The following ADAMTS20 variants were observed in gnomAD, a reference collection of about 807,000 sequenced individuals.
ADAMTS20 encodes the protein A disintegrin and metalloproteinase with thrombospondin motifs 20.
A neutral mutation model predicts 260.1 loss-of-function variants in ADAMTS20; 225 were observed. The ratio of observed to expected loss-of-function variants is 0.87; its 90% CI spans 0.78 to 0.97. The LOEUF is 0.97. ADAMTS20 is among the 50% of genes least tolerant of loss of function. The pLI is 0.00. For synonymous variants in ADAMTS20, 802 were observed against 769.5 expected (o/e 1.04, Z -0.70); for missense variants, 2,400 against 2,337.7 (o/e 1.03, Z -0.55).
intron 29 of ADAMTS20, among the ~76,000 whole-genome samples, chr12:43,390,990 T>C (rs1490724215): frequency 6.6e-6 from 1 of 152,178 alleles, no homozygotes. Context: ...TCTTAGTCTA[T>C]TAGGGCTGCT....
At chr12:43,532,608 G>A (rs1943240771) in intron 2 of ADAMTS20, among the ~76,000 whole-genome samples, 1 of 127,032 alleles carries the variant, frequency 7.9e-6, no homozygotes, top group Non-Finnish European at 1.6e-5. Context: ...CATTGTGCAG[G>A]TTAGTTACAT....
chr12:43,358,825 A>G (rs1939804787), intron 37 of ADAMTS20, among the ~76,000 whole-genome samples: 1 of 144,272 alleles, frequency 6.9e-6, no homozygotes, highest in South Asian at 2.3e-4. Flanking sequence ...CGACAGAGCG[A>G]AACTCCGTCT....
chr12:43,421,297 A>AAAAAAAAC (rs1941232771), intron 28 of ADAMTS20, among the ~76,000 whole-genome samples: 1 of 151,596 alleles, frequency 6.6e-6, no homozygotes, highest in African/African-American at 2.4e-5. Flanking sequence ...AAAAAAAAAA[A>AAAAAAAAC]ACTTTCTCTT....
At chr12:43,513,990 A>G (rs1389370003) in intron 3 of ADAMTS20, among the ~76,000 whole-genome samples, 7 of 151,070 alleles carry the variant, frequency 4.6e-5, no homozygotes, top group Non-Finnish European at 1.0e-4. Context: ...CAGCACACCA[A>G]CATGGCACAT....
At chr12:43,510,447 A>G (rs1196895272) in intron 3 of ADAMTS20, among the ~76,000 whole-genome samples, 1 of 151,612 alleles carries the variant, frequency 6.6e-6, no homozygotes, top group Non-Finnish European at 1.5e-5. Flanking sequence ...TAATCTCATT[A>G]CTTTTTTTTT....
At chr12:43,431,260 T>C in intron 22 of ADAMTS20, 72 bp downstream of exon 22, 1 of 1,486,812 alleles carries the variant, frequency 6.7e-7, no homozygotes, top group Non-Finnish European at 9.1e-7. Flanking sequence ...AAGGGAGGAG[T>C]AAATATAACA....
At chr12:43,415,942 T>C (rs1296615964) in intron 28 of ADAMTS20, among the ~76,000 whole-genome samples, 2 of 152,208 alleles carry the variant, frequency 1.3e-5, no homozygotes, top group Non-Finnish European at 2.9e-5. Context: ...TGCTCTCAGA[T>C]TGACTTTTTC....
chr12:43,382,870 A>C (rs1940384160), intron 31 of ADAMTS20, among the ~76,000 whole-genome samples: 1 of 152,074 alleles, frequency 6.6e-6, no homozygotes, highest in Non-Finnish European at 1.5e-5. Context: ...GAAAGAAAAG[A>C]AAAGCAAATG....
chr12:43,444,780 C>A (rs919791189), intron 15 of ADAMTS20, among the ~76,000 whole-genome samples: 5 of 152,016 alleles, frequency 3.3e-5, no homozygotes, highest in Non-Finnish European at 7.4e-5. Context: ...AGTAATTTTT[C>A]TCATACACTA....
chr12:43,435,652 A>T lies in ADAMTS20; in HGVS notation c.2594-1281T>A, dbSNP rs1474653268. ...TGAGACTCCATTTCTAAAAAAAAAA[A>T]AAAAACAAAAAAATAAAAATAAAAA... On this transcript the variant is annotated intron_variant, in intron 18 of 38. Transcript: ENST00000389420. 3.4e-4 allele frequency among the ~76,000 whole-genome samples: 49 copies of T among 144,922 alleles called. 1 individual carries two copies. Among genetic ancestry groups the T allele is most frequent in the Non-Finnish European group, 1.2e-4 (8 of 66,518 alleles).
chr12:43,388,451 A>G (rs1029186856), intron 29 of ADAMTS20, among the ~76,000 whole-genome samples: 7 of 152,226 alleles, frequency 4.6e-5, no homozygotes, highest in South Asian at 2.1e-4. Context: ...GAAGCTGCAG[A>G]CAGGAACTGT....
At chr12:43,369,196 T>C (rs1212383601) in intron 37 of ADAMTS20, 94 bp downstream of exon 37, 14 of 685,624 alleles carry the variant, frequency 2.0e-5, no homozygotes, top group South Asian at 4.1e-5. Flanking sequence ...TATTTACTTA[T>C]GTTTCTTGCA....
intron 3 of ADAMTS20, among the ~76,000 whole-genome samples, chr12:43,509,271 T>C (rs1372452484): frequency 6.6e-6 from 1 of 152,076 alleles, no homozygotes; most frequent in East Asian, 1.9e-4. Context: ...GACAATGACG[T>C]TTAAAAACAA....
intron 3 of ADAMTS20, among the ~76,000 whole-genome samples, chr12:43,506,542 C>T (rs1225625856): frequency 2.0e-5 from 3 of 151,222 alleles, no homozygotes; most frequent in Admixed American, 1.3e-4. Context: ...TGCAGTGGCG[C>T]GATCTCGGCT....
intron 29 of ADAMTS20, among the ~76,000 whole-genome samples, chr12:43,396,236 G>T (rs1367674457): frequency 6.6e-6 from 1 of 152,050 alleles, no homozygotes; most frequent in African/African-American, 2.4e-5. Context: ...ATCAAATGAA[G>T]AGTGTTCCTT....
chr12:43,466,779 C>G lies in ADAMTS20; in HGVS notation c.1240G>C (p.Asp414His). Residue 414 changes from aspartate (D) to histidine (H), a missense_variant, in exon 9 of 39, where the codon GAT (aspartate) becomes CAT (histidine). Transcript: ENST00000389420. The stretch of plus-strand genomic sequence containing the variant: ...ATTTCTTTACATCTAGGATTATCAT[C>G]ATGTTGAACACCAAGTCTAAAAATA... ...ELGHTLGVQH[D>H]DNPRCKEMKV... The G allele has an allele frequency of 6.3e-7, 1 of 1,598,478 alleles. No homozygotes were observed. The highest frequency in any genetic ancestry group is 8.5e-7 in the Non-Finnish European group (1 of 1,171,206).
intron 29 of ADAMTS20, among the ~76,000 whole-genome samples, 181 bp from the exon 30 acceptor site, chr12:43,384,158 C>T (rs1293673692): frequency 2.0e-5 from 3 of 152,050 alleles, no homozygotes; most frequent in Non-Finnish European, 2.9e-5. Flanking sequence ...TATATTTTCC[C>T]TGTTTGGCAT....
intron 28 of ADAMTS20, among the ~76,000 whole-genome samples, chr12:43,405,264 T>C (rs1160652755): frequency 2.8e-5 from 2 of 72,184 alleles, no homozygotes; most frequent in Non-Finnish European, 5.6e-5. Flanking sequence ...AAAAAAAAAT[T>C]AGCCAGGCAT....
intron 18 of ADAMTS20, 91 bp downstream of exon 18, chr12:43,439,531 A>G: frequency 6.9e-7 from 1 of 1,444,846 alleles, no homozygotes; most frequent in Admixed American, 2.2e-5. Context: ...GACAGTGGGG[A>G]GGATTCCATA....
Sources: gnomAD v4.1 joint callset for allele counts (sites outside exome capture counted in the v4.1 genomes callset) on GRCh38, gnomAD v4.1.1 for gene constraint, MANE v1.5 for transcripts, NCBI Gene and HGNC (gene_info 2026-07-23, HGNC 2026-07-21) for gene names.